Variants in EYS observed in about 807,000 individuals in gnomAD.
EYS encodes the protein EGF-like photoreceptor maintenance factor.
EYS carries 250 observed loss-of-function variants against 282.1 expected under a neutral mutation model. The observed-to-expected ratio is 0.89, with a 90% CI of 0.80 to 0.98. EYS has a LOEUF of 0.98. Among genes scored for constraint, EYS ranks in the 50% least tolerant of loss-of-function variants. EYS has a pLI of 0.00. For missense variants in EYS, 4,016 were observed against 3,709.0 expected (o/e 1.08, Z -2.15); for synonymous variants, 1,355 against 1,282.9 (o/e 1.06, Z -1.20).
chr6:64,457,127 CCTT>C (rs1775581694), intron 26 of EYS, among the ~76,000 whole-genome samples: 1 of 151,806 alleles, frequency 6.6e-6, no homozygotes, highest in Non-Finnish European at 1.5e-5. Context: ...TTTATTAACT[CCTT>C]AGTTGTTTAG....
At chr6:64,643,209 G>GAAGAAATTAT (rs1177502160) in intron 22 of EYS, among the ~76,000 whole-genome samples, 1 of 151,786 alleles carries the variant, frequency 6.6e-6, no homozygotes, top group East Asian at 1.9e-4. Context: ...AGGGAGAGAA[G>GAAGAAATTAT]ACATGTGCTT....
chr6:63,774,392 C>T (rs1467782091), intron 40 of EYS, among the ~76,000 whole-genome samples: 2 of 152,128 alleles, frequency 1.3e-5, no homozygotes, highest in African/African-American at 4.8e-5. Flanking sequence ...TGGTCTTGAA[C>T]TCCTGACCTC....
intron 36 of EYS, among the ~76,000 whole-genome samples, chr6:63,858,102 C>A (rs1433967802): frequency 6.6e-6 from 1 of 152,076 alleles, no homozygotes; most frequent in East Asian, 1.9e-4. Flanking sequence ...AGCTCAGGGA[C>A]TTAGCAAAAC....
At chr6:63,898,959 C>A (rs1773599619) in intron 35 of EYS, among the ~76,000 whole-genome samples, 1 of 152,088 alleles carries the variant, frequency 6.6e-6, no homozygotes, top group Admixed American at 6.5e-5. Context: ...GCAGTCACAA[C>A]CAGGCTGCTC....
intron 28 of EYS, among the ~76,000 whole-genome samples, chr6:64,399,027 G>A (rs962659081): frequency 6.6e-6 from 1 of 151,634 alleles, no homozygotes; most frequent in East Asian, 1.9e-4. Flanking sequence ...AAGCACAACT[G>A]CTTTAATAAT....
intron 41 of EYS, among the ~76,000 whole-genome samples, chr6:63,734,381 G>C (rs1424937958): frequency 1.3e-5 from 2 of 152,078 alleles, no homozygotes. Flanking sequence ...AGAATGAGAT[G>C]GGAAATCATT....
At chr6:65,392,990 C>A (rs1385194875) in intron 7 of EYS, among the ~76,000 whole-genome samples, 1 of 152,064 alleles carries the variant, frequency 6.6e-6, no homozygotes, top group African/African-American at 2.4e-5. Flanking sequence ...TACTATGCAG[C>A]CATAAAAAAT....
At chr6:64,610,980 C>T (rs1421768354) in intron 24 of EYS, among the ~76,000 whole-genome samples, 1 of 151,972 alleles carries the variant, frequency 6.6e-6, no homozygotes, top group Non-Finnish European at 1.5e-5. Flanking sequence ...ATCTTTTTCC[C>T]CCCCATAGCA....
chr6:64,635,779 A>T (rs191098616), intron 22 of EYS, among the ~76,000 whole-genome samples: 14 of 152,254 alleles, frequency 9.2e-5, no homozygotes, highest in Admixed American at 2.6e-4. Flanking sequence ...TTGGTCAAAA[A>T]TTCTCTTTTT....
At chr6:64,067,047 C>T (rs538692378) in intron 32 of EYS, among the ~76,000 whole-genome samples, 67 of 152,088 alleles carry the variant, frequency 4.4e-4, no homozygotes, top group Non-Finnish European at 6.2e-4. Context: ...TTCTTCATCC[C>T]CACTTTGAAA....
chr6:64,247,151 C>A (rs1399340501), intron 30 of EYS, among the ~76,000 whole-genome samples: 2 of 151,892 alleles, frequency 1.3e-5, no homozygotes, highest in Non-Finnish European at 2.9e-5. Flanking sequence ...ATAAAACTTA[C>A]AGGAAAGAAA....
At chr6:65,369,956 C>T (rs1765073368) in intron 8 of EYS, among the ~76,000 whole-genome samples, 1 of 151,516 alleles carries the variant, frequency 6.6e-6, no homozygotes, top group African/African-American at 2.4e-5. Context: ...GAAACTGTCT[C>T]CGAAGACTGA....
At chr6:63,771,313 C>A (rs747766374) in intron 40 of EYS, among the ~76,000 whole-genome samples, 1 of 152,066 alleles carries the variant, frequency 6.6e-6, no homozygotes, top group African/African-American at 2.4e-5. Context: ...GGACAGAAGA[C>A]AAAAACTGGA....
chr6:63,812,202 C>T lies in EYS; in HGVS notation c.7229-5830G>A, dbSNP rs146795635. On this transcript the variant is annotated intron_variant, in intron 36 of 42. Coordinates refer to ENST00000503581, the MANE Select transcript of EYS (RefSeq NM_001142800.2). ...TTATACTCGTTTCTTCTTTCTCATTCTGCTGCAGCCATGCTAACTTCTTCG... is the reference window on the plus strand; with the variant it reads ...TTATACTCGTTTCTTCTTTCTCATTTTGCTGCAGCCATGCTAACTTCTTCG... Among the ~76,000 whole-genome samples, 11 of 152,318 alleles carry T rather than the reference C, an allele frequency of 7.2e-5. No homozygotes were observed. In the South Asian group the frequency reaches 1.0e-3, roughly 14 times the overall value.
rs1766346398 is a variant in EYS, at chr6:64,589,903, GAAA to G, written c.5644+317_5644+319del. Among the ~76,000 whole-genome samples the G allele has an allele frequency of 2.6e-5, 4 of 152,016 alleles. No individual in the cohort carries two copies. In the East Asian group the frequency reaches 7.7e-4, roughly 29 times the overall value. On this transcript the variant is annotated intron_variant, in intron 26 of 42. Transcript: ENST00000503581. Reference sequence around the variant, plus strand: ...CAACCTGACAAAGAAGCTATTTCAAGAAATGAGAATAATAAAAGTTATTTCTAA... The same window carrying G: ...CAACCTGACAAAGAAGCTATTTCAAGTGAGAATAATAAAAGTTATTTCTAA...
chr6:64,375,123 T>C (rs1772522418), intron 29 of EYS, among the ~76,000 whole-genome samples: 2 of 152,240 alleles, frequency 1.3e-5, no homozygotes, highest in Admixed American at 1.3e-4. Flanking sequence ...GGTTACTTAA[T>C]ACTTCAGATG....
intron 41 of EYS, among the ~76,000 whole-genome samples, chr6:63,747,900 C>G (rs562744882): frequency 6.6e-6 from 1 of 152,118 alleles, no homozygotes; most frequent in Admixed American, 6.6e-5. Context: ...GACTCTTTAT[C>G]CAATTTGCCA....
At chr6:64,794,226 A>T (rs1289867089) in intron 22 of EYS, among the ~76,000 whole-genome samples, 1 of 152,168 alleles carries the variant, frequency 6.6e-6, no homozygotes, top group Non-Finnish European at 1.5e-5. Context: ...CTCAAAGAGA[A>T]TTTTTTTACC....
intron 31 of EYS, among the ~76,000 whole-genome samples, chr6:64,158,065 C>T (rs1012831912): frequency 1.3e-5 from 2 of 152,176 alleles, no homozygotes; most frequent in Non-Finnish European, 2.9e-5. Flanking sequence ...TGGAGCTGCC[C>T]AAGACCATGG....
Sources: gnomAD v4.1 joint callset for allele counts (sites outside exome capture counted in the v4.1 genomes callset) on GRCh38, gnomAD v4.1.1 for gene constraint, MANE v1.5 for transcripts, NCBI Gene and HGNC (gene_info 2026-07-23, HGNC 2026-07-21) for gene names.